PDE1C: variants seen among roughly 807,000 people sequenced by gnomAD.
PDE1C encodes phosphodiesterase 1C, also known as dual specificity calcium/calmodulin-dependent 3',5'-cyclic nucleotide phosphodiesterase 1C.
Under a neutral mutation model 93.1 loss-of-function variants are expected in PDE1C, and 62 were observed. That is an observed-to-expected ratio of 0.67 (90% CI 0.54 to 0.82). The LOEUF (loss-of-function observed/expected upper bound fraction) is 0.82, where lower values mean the gene tolerates loss of function less well. Among genes scored for constraint, PDE1C ranks in the 40% least tolerant of loss-of-function variants. PDE1C has a pLI of 0.00. For synonymous variants in PDE1C, 325 were observed against 310.1 expected (o/e 1.05, Z -0.50); for missense variants, 742 against 884.6 (o/e 0.84, Z 2.04).
At chr7:32,017,692 T>C (rs1354056794) in intron 2 of PDE1C, among the ~76,000 whole-genome samples, 8 of 152,126 alleles carry the variant, frequency 5.3e-5, no homozygotes, top group African/African-American at 1.9e-4. Flanking sequence ...ATAAAGGATC[T>C]GAATAGACAT....
At chr7:32,332,386 G>A (rs1359763827) in intron 1 of PDE1C, among the ~76,000 whole-genome samples, 4 of 151,918 alleles carry the variant, frequency 2.6e-5, no homozygotes, top group Non-Finnish European at 4.4e-5. Flanking sequence ...AATACCAAGT[G>A]TTGGCAAAGA....
the PDE1C span, chr7:31,707,107 C>G: frequency 1.9e-5 from 21 of 1,089,576 alleles, 1 homozygote; most frequent in South Asian, 3.1e-4. Context: ...TAAGAGGTTT[C>G]TGGGTTGCCA....
At chr7:32,004,574 G>A (rs1165740917) in intron 2 of PDE1C, among the ~76,000 whole-genome samples, 2 of 152,088 alleles carry the variant, frequency 1.3e-5, no homozygotes, top group Non-Finnish European at 2.9e-5. Context: ...TTGAACCTGG[G>A]GTCTTGTGAG....
chr7:32,056,537 A>G (rs1794134016), intron 1 of PDE1C, among the ~76,000 whole-genome samples: 1 of 152,100 alleles, frequency 6.6e-6, no homozygotes, highest in Non-Finnish European at 1.5e-5. Context: ...TTAGCAACTT[A>G]TATCACTTCT....
Position 32,374,256 on chromosome 7 carries a change from G to GAAGGAAGAAAGAAAGAAAGA in PDE1C, c.310+53565_310+53566insTCTTTCTTTCTTTCTTCCTT, listed in dbSNP as rs1554314008. ...AAAGAAAGAAGGAAGGAAAGGAAAG[G>GAAGGAAGAAAGAAAGAAAGA]AAGAAAGAAAGAAAGAAAGAAAGAA... On this transcript the variant is annotated intron_variant, in intron 1 of 1. Coordinates refer to the PDE1C transcript ENST00000672256. Among the ~76,000 whole-genome samples, 6 of 113,250 alleles carry GAAGGAAGAAAGAAAGAAAGA rather than the reference G, an allele frequency of 5.3e-5. No individual in the cohort carries two copies. The East Asian group carries it at 8.2e-4, about 15-fold the overall frequency. The allele number at this position is 113,250 out of a possible 152,430, so 74.3% of individuals were successfully genotyped here. A position where few individuals can be genotyped will look rare whatever the true frequency, so the allele number is the denominator to read the frequency against.
intron 2 of PDE1C, among the ~76,000 whole-genome samples, chr7:31,930,906 T>A (rs980464402): frequency 1.6e-4 from 22 of 139,282 alleles, no homozygotes; most frequent in Non-Finnish European, 1.5e-5. Flanking sequence ...GTTGGCTTCA[T>A]CCCTGGGATG....
intron 2 of PDE1C, among the ~76,000 whole-genome samples, chr7:31,951,996 G>C (rs1807440654): frequency 6.6e-6 from 1 of 152,138 alleles, no homozygotes; most frequent in Non-Finnish European, 1.5e-5. Flanking sequence ...TGCTTACTAT[G>C]TACCAGGAAC....
chr7:31,798,517 T>A (rs1406921964), intron 16 of PDE1C, among the ~76,000 whole-genome samples: 1 of 151,770 alleles, frequency 6.6e-6, no homozygotes, highest in African/African-American at 2.4e-5. Context: ...CTATGACTTA[T>A]GTGTAGTGAC....
chr7:31,941,134 A>C (rs1225931761), intron 2 of PDE1C: 3 of 152,072 alleles, frequency 2.0e-5, no homozygotes, highest in Non-Finnish European at 4.4e-5. Flanking sequence ...ACAGTAAAGC[A>C]AAAGTGATCT....
At position 32,218,355 on chromosome 7, in the gene PDE1C, C is replaced by G. The variant is rs534188547; in HGVS notation, c.86-8816G>C. 4.6e-5 allele frequency among the ~76,000 whole-genome samples: 7 copies of G among 152,326 alleles called. No homozygotes were observed. In the South Asian group the frequency reaches 1.4e-3, roughly 32 times the overall value. The stretch of plus-strand genomic sequence containing the variant: ...AACTAATTTGTAGTTGATGATGCAT[C>G]AGGGCTGATAATTTGAAAGTGGCAG... On this transcript the variant is annotated intron_variant, in intron 1 of 18. Coordinates refer to the PDE1C transcript ENST00000396193.
chr7:32,167,233 C>T lies in PDE1C; in HGVS notation c.308+2552G>A, dbSNP rs190204671. Reference sequence around the variant, plus strand: ...ACTACTTAAATGAAAATACTAAATGCAAATATTAAACAAGTGCACACATTT... The same window carrying T: ...ACTACTTAAATGAAAATACTAAATGTAAATATTAAACAAGTGCACACATTT... On this transcript the variant is annotated intron_variant, in intron 3 of 18. Coordinates refer to the PDE1C transcript ENST00000396193. Among the ~76,000 whole-genome samples, 334 of 152,304 alleles carry T rather than the reference C, an allele frequency of 2.2e-3. 2 individuals carry two copies. Among genetic ancestry groups the T allele is most frequent in the African/African-American group, 7.7e-3 (322 of 41,564 alleles).
intron 2 of PDE1C, among the ~76,000 whole-genome samples, chr7:32,207,228 A>C (rs894017546): frequency 6.6e-6 from 1 of 151,986 alleles, no homozygotes; most frequent in African/African-American, 2.4e-5. Context: ...ATCACAGCAC[A>C]GGCTCTGGCC....
At chr7:32,322,692 C>A (rs1170351353) in intron 1 of PDE1C, among the ~76,000 whole-genome samples, 1 of 151,080 alleles carries the variant, frequency 6.6e-6, no homozygotes, top group African/African-American at 2.4e-5. Context: ...TCTTGGCTCA[C>A]TGCAACCTCC....
chr7:31,920,749 T>C (rs1802518477), intron 2 of PDE1C, among the ~76,000 whole-genome samples: 1 of 152,196 alleles, frequency 6.6e-6, no homozygotes, highest in African/African-American at 2.4e-5. Flanking sequence ...CTGTCCTTGA[T>C]TAGCTCTTAT....
At chr7:32,367,627 G>A (rs572077516) in intron 1 of PDE1C, among the ~76,000 whole-genome samples, 1 of 152,234 alleles carries the variant, frequency 6.6e-6, no homozygotes, top group South Asian at 2.1e-4. Flanking sequence ...AGACCAAAGT[G>A]GGTGGATTGC....
chr7:32,056,366 G>C (rs866373203), intron 1 of PDE1C, among the ~76,000 whole-genome samples: 296 of 50,318 alleles, frequency 5.9e-3, no homozygotes, highest in Middle Eastern at 0.012. Flanking sequence ...CTCTCTCACT[G>C]AAACACACAC....
At chr7:32,224,660 T>A (rs981341418) in intron 1 of PDE1C, among the ~76,000 whole-genome samples, 4 of 152,198 alleles carry the variant, frequency 2.6e-5, no homozygotes, top group African/African-American at 9.7e-5. Flanking sequence ...TTCCTTAACA[T>A]TGTTTGCATC....
intron 3 of PDE1C, among the ~76,000 whole-genome samples, chr7:32,083,141 T>A (rs375921213): frequency 6.6e-6 from 1 of 151,904 alleles, no homozygotes; most frequent in Non-Finnish European, 1.5e-5. Flanking sequence ...GAATAACCAA[T>A]ACAGAGAAGT....
At chr7:32,323,040 G>A (rs1455437072) in intron 1 of PDE1C, among the ~76,000 whole-genome samples, 2 of 152,202 alleles carry the variant, frequency 1.3e-5, no homozygotes, top group African/African-American at 4.8e-5. Flanking sequence ...TTCTCAGGAA[G>A]ATACAGGGGT....
Sources: gnomAD v4.1 joint callset for allele counts (sites outside exome capture counted in the v4.1 genomes callset) on GRCh38, gnomAD v4.1.1 for gene constraint, MANE v1.5 for transcripts, NCBI Gene and HGNC (gene_info 2026-07-23, HGNC 2026-07-21) for gene names.